Variants in RANBP3 observed in about 807,000 individuals in gnomAD.
RANBP3 encodes RAN binding protein 3.
RANBP3 carries 14 observed loss-of-function variants against 77.3 expected under a neutral mutation model. The observed-to-expected ratio is 0.18, with a 90% confidence interval of 0.12 to 0.28. The LOEUF (loss-of-function observed/expected upper bound fraction) is 0.28, where lower values mean the gene tolerates loss of function less well. RANBP3 is among the 10% of genes least tolerant of loss of function. The probability of loss-of-function intolerance (pLI) is 1.00; values close to 1 mark genes in which losing one functional copy is unlikely to be tolerated. For synonymous variants in RANBP3, 315 were observed against 312.4 expected (o/e 1.01, Z -0.09); for missense variants, 586 against 752.3 (o/e 0.78, Z 2.59).
chr19:5,948,729 A>G (rs1220817195), intron 3 of RANBP3, among the ~76,000 whole-genome samples: 3 of 152,152 alleles, frequency 2.0e-5, no homozygotes, highest in Non-Finnish European at 4.4e-5. Context: ...AGGGGCTGGA[A>G]GGTGGGGGGA....
intron 8 of RANBP3, among the ~76,000 whole-genome samples, chr19:5,930,112 C>G (rs76428391): frequency 0.019 from 2,947 of 152,324 alleles, 93 homozygotes; most frequent in African/African-American, 0.068. Context: ...ATCAGAGACA[C>G]TGGGAGATGG....
chr19:5,920,058 C>T (rs1343792066), intron 14 of RANBP3, among the ~76,000 whole-genome samples: 1 of 152,110 alleles, frequency 6.6e-6, no homozygotes, highest in Non-Finnish European at 1.5e-5. Flanking sequence ...GCCTGAAACC[C>T]ATATTTATGA....
chr19:5,977,902 G>A (rs1390788797), intron 1 of RANBP3, among the ~76,000 whole-genome samples, 159 bp downstream of exon 1: 1 of 152,168 alleles, frequency 6.6e-6, no homozygotes. Flanking sequence ...CGGCCTGAGG[G>A]GACGCAATAG....
At chr19:5,970,640 A>G (rs932721554) in intron 1 of RANBP3, among the ~76,000 whole-genome samples, 1 of 152,240 alleles carries the variant, frequency 6.6e-6, no homozygotes, top group African/African-American at 2.4e-5. Flanking sequence ...ACCAGCCCCA[A>G]TGTCAAGAAT....
At chr19:5,935,425 A>C (rs1007330361) in intron 5 of RANBP3, among the ~76,000 whole-genome samples, 4 of 152,268 alleles carry the variant, frequency 2.6e-5, no homozygotes, top group African/African-American at 9.6e-5. Flanking sequence ...GGAAACACTC[A>C]ATTACATTTC....
chr19:5,932,417 G>A (rs776367675), intron 7 of RANBP3, 35 bp downstream of exon 7: 93 of 1,590,118 alleles, frequency 5.8e-5, no homozygotes, highest in Non-Finnish European at 7.7e-5. Context: ...CTACCCTGCC[G>A]TCTGGGCCTG....
chr19:5,951,796 G>A (rs537118473), intron 2 of RANBP3, among the ~76,000 whole-genome samples, 200 bp from the exon 3 acceptor site: 1 of 152,186 alleles, frequency 6.6e-6, no homozygotes, highest in Non-Finnish European at 1.5e-5. Context: ...AGGGAAGTGA[G>A]AGTGGACTAG....
rs191647722 is a variant in RANBP3, at chr19:5,977,531, G to C, written c.22+530C>G. The stretch of plus-strand genomic sequence containing the variant: ...GGAAGTGGGGGCCGAAGTTCGGGGC[G>C]GGGACGGGGTGAAAACGGCCTGGGC... On this transcript the variant is annotated intron_variant, in intron 1 of 16. Transcript: ENST00000340578. Among the ~76,000 whole-genome samples the C allele has an allele frequency of 4.6e-5, 7 of 152,298 alleles. No individual in the cohort carries two copies. The East Asian group carries it at 1.4e-3, about 29-fold the overall frequency.
intron 10 of RANBP3, chr19:5,925,390 G>T (rs1039311809): frequency 5.2e-6 from 3 of 576,700 alleles, no homozygotes; most frequent in Admixed American, 6.0e-5. Context: ...GCCTCCATGG[G>T]CCCCTGGACA....
At chr19:5,929,954 G>A (rs933997624) in intron 8 of RANBP3, among the ~76,000 whole-genome samples, 4 of 152,242 alleles carry the variant, frequency 2.6e-5, no homozygotes, top group Non-Finnish European at 5.9e-5. Flanking sequence ...TTGGGAACAA[G>A]CTGTGTGCAC....
intron 7 of RANBP3, 88 bp downstream of exon 7, chr19:5,932,364 T>C: frequency 1.0e-6 from 1 of 995,284 alleles, no homozygotes; most frequent in South Asian, 1.4e-5. Flanking sequence ...AGCAGTCACC[T>C]CTGTCGCAAC....
rs1239321482 is a variant in RANBP3, at chr19:5,958,585, G to A, written c.23-612C>T. On this transcript the variant is annotated intron_variant, in intron 1 of 16. Coordinates refer to ENST00000340578, the MANE Select transcript of RANBP3 (RefSeq NM_007322.3). This position sits in a 1 kb window ranked among gnomAD's most constrained non-coding sequence, Gnocchi z 4.4. Reference sequence around the variant, plus strand: ...CTGTCACTTGATGGGACAAGAGCAAGGCGGCCTGTAATGCCCACGCAACAC... The same window carrying A: ...CTGTCACTTGATGGGACAAGAGCAAAGCGGCCTGTAATGCCCACGCAACAC... Among the ~76,000 whole-genome samples, 1 of 152,236 alleles carries A rather than the reference G, an allele frequency of 6.6e-6. No homozygotes were observed. Among genetic ancestry groups the A allele is most frequent in the Non-Finnish European group, 1.5e-5 (1 of 68,036 alleles).
Position 5,928,068 on chromosome 19 carries a change from T to C in RANBP3, c.713A>G (p.Asn238Ser). The C allele has an allele frequency of 6.2e-7, 1 of 1,611,612 alleles. No individual in the cohort carries two copies. Among genetic ancestry groups the C allele is most frequent in the Non-Finnish European group, 8.5e-7 (1 of 1,179,178 alleles). Residue 238 changes from asparagine (N) to serine (S), a missense_variant, in exon 9 of 17, where the codon AAT becomes AGT. By Grantham distance (46) the Asn-to-Ser change is conservative. This residue lies in a region of RANBP3 where 232 missense variants were observed against 271.7 expected (regional missense o/e 0.85). Transcript: ENST00000340578. ...CALEEKEPQK[N>S]ESSNASEEEA... is the part of the protein sequence containing the mutation. ...CTCTTCAGAGGCATTGCTGGACTCATTTTTCTGGGGCTCTTTCTCCTATCA... is the reference window on the plus strand; with the variant it reads ...CTCTTCAGAGGCATTGCTGGACTCACTTTTCTGGGGCTCTTTCTCCTATCA...
At chr19:5,942,310 C>T (rs967508677) in intron 3 of RANBP3, among the ~76,000 whole-genome samples, 2 of 152,176 alleles carry the variant, frequency 1.3e-5, no homozygotes, top group African/African-American at 4.8e-5. Context: ...GTCTCAGGGT[C>T]GGCTGTTATT....
chr19:5,925,744 A>G lies in RANBP3; in HGVS notation c.814-7T>C, dbSNP rs2057898498. ...CCACGCTCTCATTTATCAGCTGGGA[A>G]TGAGACGGAGCGCTCAGTAATCGGG... On this transcript the variant is annotated splice_polypyrimidine_tract_variant and splice_region_variant and intron_variant, in intron 9 of 16. Coordinates refer to ENST00000340578, the MANE Select transcript of RANBP3 (RefSeq NM_007322.3). The G allele has an allele frequency of 6.3e-7, 1 of 1,592,610 alleles. No individual in the cohort carries two copies. Among genetic ancestry groups the G allele is most frequent in the Admixed American group, 1.7e-5 (1 of 59,568 alleles).
At chr19:5,918,385 GAA>G in intron 15 of RANBP3, 109 bp downstream of exon 15, 1 of 716,188 alleles carries the variant, frequency 1.4e-6, no homozygotes, top group Non-Finnish European at 2.1e-6. Flanking sequence ...GGAAGCAACT[GAA>G]GCCCCTCCCC....
At position 5,921,049 on chromosome 19, in the gene RANBP3, T is replaced by A; in HGVS notation, c.1330+152A>T. On this transcript the variant is annotated intron_variant, in intron 14 of 16. Coordinates refer to ENST00000340578, the MANE Select transcript of RANBP3 (RefSeq NM_007322.3). The surrounding 1 kb of genome is among the most constrained non-coding windows in gnomAD (Gnocchi z 5.3). ...TGAGGGCTGGGTGCAGGGAGGGGGTTTGGGGGGCGGCTCTCATGGGAGACC... is the reference window on the plus strand; with the variant it reads ...TGAGGGCTGGGTGCAGGGAGGGGGTATGGGGGGCGGCTCTCATGGGAGACC... The A allele has an allele frequency of 1.1e-6, 1 of 951,668 alleles. No homozygotes were observed. Among genetic ancestry groups the A allele is most frequent in the Non-Finnish European group, 1.5e-6 (1 of 681,442 alleles). The allele number at this position is 951,668 out of a possible 1,614,324, so 59.0% of individuals were successfully genotyped here. A position where few individuals can be genotyped will look rare whatever the true frequency, so the allele number is the denominator to read the frequency against.
intron 5 of RANBP3, among the ~76,000 whole-genome samples, chr19:5,936,335 C>T (rs556570144): frequency 1.1e-4 from 16 of 152,300 alleles, no homozygotes; most frequent in South Asian, 4.1e-4. Flanking sequence ...GTGCCCCTGG[C>T]GTCATCTCCA....
At chr19:5,945,518 AC>A (rs1269686431) in intron 3 of RANBP3, among the ~76,000 whole-genome samples, 2 of 151,842 alleles carry the variant, frequency 1.3e-5, no homozygotes, top group Non-Finnish European at 2.9e-5. Flanking sequence ...TGTGTACCCC[AC>A]TGTTTGGGTG....
Sources: gnomAD v4.1 joint callset for allele counts (sites outside exome capture counted in the v4.1 genomes callset) on GRCh38, gnomAD v4.1.1 for gene constraint, gnomAD v4.1.1 regional missense constraint, Gnocchi (gnomAD v3.1) non-coding constraint, MANE v1.5 for transcripts, NCBI Gene and HGNC (gene_info 2026-07-23, HGNC 2026-07-21) for gene names.